The following SLC9A9 variants were observed in gnomAD, a reference collection of about 807,000 sequenced individuals.
SLC9A9 encodes solute carrier family 9 member A9.
Under a neutral mutation model 77.8 loss-of-function variants are expected in SLC9A9, and 62 were observed. The observed-to-expected ratio is 0.80, with a 90% confidence interval of 0.65 to 0.98. SLC9A9 has a LOEUF of 0.98. Among genes scored for constraint, SLC9A9 ranks in the 50% least tolerant of loss-of-function variants. The pLI is 0.00. For synonymous variants in SLC9A9, 320 were observed against 283.5 expected (o/e 1.13, Z -1.29); for missense variants, 775 against 774.9 (o/e 1.00, Z 0.00).
intron 8 of SLC9A9, among the ~76,000 whole-genome samples, chr3:143,569,815 T>C (rs1576582824): frequency 4.2e-5 from 4 of 96,368 alleles, no homozygotes; most frequent in South Asian, 3.7e-4. Flanking sequence ...TGTTTTTTTC[T>C]TTTTTTTTTT....
chr3:143,726,063 G>C (rs1230913135), intron 4 of SLC9A9, among the ~76,000 whole-genome samples: 2 of 151,510 alleles, frequency 1.3e-5, no homozygotes, highest in African/African-American at 4.9e-5. Context: ...TTTTACAGTT[G>C]TCCTCTAACA....
chr3:143,661,316 TA>T (rs538605140), intron 5 of SLC9A9, among the ~76,000 whole-genome samples: 68 of 152,312 alleles, frequency 4.5e-4, no homozygotes, highest in African/African-American at 1.6e-3. Context: ...GCAACCTACT[TA>T]TGAAACTGGT....
At chr3:143,507,528 TCCCTC>T (rs1291671838) in intron 9 of SLC9A9, among the ~76,000 whole-genome samples, 1 of 152,202 alleles carries the variant, frequency 6.6e-6, no homozygotes, top group Non-Finnish European at 1.5e-5. Context: ...ATTATTAATA[TCCCTC>T]ATTAGAGTTG....
intron 9 of SLC9A9, among the ~76,000 whole-genome samples, chr3:143,521,127 T>C (rs4839599): frequency 0.22 from 33,577 of 152,170 alleles, 4,809 homozygotes; most frequent in Non-Finnish European, 0.33. Context: ...CAATCTTTTA[T>C]AATGTTTTGT....
At chr3:143,378,523 G>A (rs1266024856) in intron 13 of SLC9A9, among the ~76,000 whole-genome samples, 1 of 152,224 alleles carries the variant, frequency 6.6e-6, no homozygotes, top group Non-Finnish European at 1.5e-5. Context: ...ACGAATATGG[G>A]AGTGAGTACG....
At chr3:143,309,259 G>A (rs2030928444) in intron 14 of SLC9A9, among the ~76,000 whole-genome samples, 1 of 152,064 alleles carries the variant, frequency 6.6e-6, no homozygotes, top group East Asian at 1.9e-4. Context: ...ACTTGCCTAG[G>A]GTCATATAAT....
Position 143,539,192 on chromosome 3 carries a change from T to C in SLC9A9, c.1089+13170A>G, listed in dbSNP as rs74974377. Among the ~76,000 whole-genome samples the C allele has an allele frequency of 9.0e-3, 1,376 of 152,310 alleles. 24 individuals carry two copies. Among genetic ancestry groups the C allele is most frequent in the African/African-American group, 0.031 (1,308 of 41,556 alleles). ...TGATTCCAATCAAGTCCTTTTTCAA[T>C]GTAACCCAGAGCAATTGTATTAAGT... is the stretch of plus-strand genomic sequence containing the variant. On this transcript the variant is annotated intron_variant, in intron 9 of 15. Coordinates refer to ENST00000316549, the MANE Select transcript of SLC9A9 (RefSeq NM_173653.4).
chr3:143,312,658 G>A (rs1286447972), intron 14 of SLC9A9, among the ~76,000 whole-genome samples: 3 of 152,198 alleles, frequency 2.0e-5, no homozygotes, highest in African/African-American at 4.8e-5. Flanking sequence ...CTCTCCTAGG[G>A]TAGCATCCCC....
chr3:143,632,873 T>C (rs1240960021), intron 6 of SLC9A9, among the ~76,000 whole-genome samples: 1 of 152,158 alleles, frequency 6.6e-6, no homozygotes, highest in East Asian at 1.9e-4. Flanking sequence ...GCAGGGATAT[T>C]AGGGCTCCAT....
chr3:143,821,984 G>A (rs530197165), intron 2 of SLC9A9, among the ~76,000 whole-genome samples: 24 of 152,304 alleles, frequency 1.6e-4, no homozygotes, highest in African/African-American at 3.8e-4. Flanking sequence ...TGCAGCAAGC[G>A]CTGTCAGTCC....
At chr3:143,656,612 T>C (rs1253650531) in intron 5 of SLC9A9, among the ~76,000 whole-genome samples, 1 of 152,232 alleles carries the variant, frequency 6.6e-6, no homozygotes, top group Non-Finnish European at 1.5e-5. Flanking sequence ...GATATTTTAA[T>C]GTGGCAGCTC....
At chr3:143,304,495 G>C (rs1476731672) in intron 14 of SLC9A9, among the ~76,000 whole-genome samples, 1 of 152,244 alleles carries the variant, frequency 6.6e-6, no homozygotes, top group Admixed American at 6.5e-5. Context: ...TGGAATAAGA[G>C]GGGATGTTAT....
Position 143,282,506 on chromosome 3 carries a change from A to C in SLC9A9, c.1605-13526T>G, listed in dbSNP as rs573650060. Among the ~76,000 whole-genome samples, 9 of 152,312 alleles carry C rather than the reference A, an allele frequency of 5.9e-5. No individual in the cohort carries two copies. The South Asian group carries it at 1.9e-3, about 32-fold the overall frequency. On this transcript the variant is annotated intron_variant, in intron 14 of 15. Transcript: ENST00000316549. ...ATCCAGTCTCCCTCTCCTCCTTACAATATAAGCCTGAATCTATGGAGGTGT... is the reference window on the plus strand; with the variant it reads ...ATCCAGTCTCCCTCTCCTCCTTACACTATAAGCCTGAATCTATGGAGGTGT...
rs150842668 is a variant in SLC9A9, at chr3:143,314,910, T to C, written c.1605-45930A>G. ...GAGCCTCTTAGAATTGGTCCATCAC[T>C]GCACTCAATAGTGAGTAACTGATGG... is the stretch of plus-strand genomic sequence containing the variant. On this transcript the variant is annotated intron_variant, in intron 14 of 15. Coordinates refer to ENST00000316549, the MANE Select transcript of SLC9A9 (RefSeq NM_173653.4). Among the ~76,000 whole-genome samples, 621 of 152,338 alleles carry C rather than the reference T, an allele frequency of 4.1e-3. 2 individuals are homozygous for C. Among genetic ancestry groups the C allele is most frequent in the African/African-American group, 0.014 (595 of 41,586 alleles).
At chr3:143,644,957 T>C (rs994667848) in intron 6 of SLC9A9, among the ~76,000 whole-genome samples, 1 of 152,184 alleles carries the variant, frequency 6.6e-6, no homozygotes, top group Non-Finnish European at 1.5e-5. Flanking sequence ...TGATAACAGT[T>C]TCAGTTAATT....
At chr3:143,405,691 T>TCTA (rs1271238689) in intron 12 of SLC9A9, among the ~76,000 whole-genome samples, 1 of 152,192 alleles carries the variant, frequency 6.6e-6, no homozygotes, top group Non-Finnish European at 1.5e-5. Context: ...GAAACACTAG[T>TCTA]GGTCTGCCTC....
At chr3:143,459,404 T>C (rs1342128439) in intron 12 of SLC9A9, among the ~76,000 whole-genome samples, 1 of 152,186 alleles carries the variant, frequency 6.6e-6, no homozygotes, top group Non-Finnish European at 1.5e-5. Flanking sequence ...TGTTGAGATT[T>C]TGTTTTACCA....
intron 4 of SLC9A9, among the ~76,000 whole-genome samples, chr3:143,737,880 A>G (rs1934982574): frequency 6.6e-6 from 1 of 152,216 alleles, no homozygotes; most frequent in South Asian, 2.1e-4. Flanking sequence ...GCAAGAACGT[A>G]TACTCTTACT....
At chr3:143,650,726 G>C (rs931335894) in intron 6 of SLC9A9, among the ~76,000 whole-genome samples, 2 of 152,216 alleles carry the variant, frequency 1.3e-5, no homozygotes, top group African/African-American at 4.8e-5. Context: ...GAAAGGAAGA[G>C]CTCTTGCCAT....
Sources: gnomAD v4.1 joint callset for allele counts (sites outside exome capture counted in the v4.1 genomes callset) on GRCh38, gnomAD v4.1.1 for gene constraint, MANE v1.5 for transcripts, NCBI Gene and HGNC (gene_info 2026-07-23, HGNC 2026-07-21) for gene names.